The following TRPM6 variants were observed in gnomAD, a reference collection of about 807,000 sequenced individuals.
TRPM6 encodes the protein channel kinase 2.
TRPM6 carries 111 observed loss-of-function variants against 247.6 expected under a neutral mutation model. The observed-to-expected ratio is 0.45, with a 90% CI of 0.38 to 0.52. The LOEUF (loss-of-function observed/expected upper bound fraction) is 0.52. Among genes scored for constraint, TRPM6 ranks in the 20% least tolerant of loss-of-function variants. TRPM6 has a pLI of 0.00. For missense variants in TRPM6, 2,126 were observed against 2,421.5 expected, an observed-to-expected ratio of 0.88 and a Z score of 2.56; for synonymous variants, 892 against 853.8, an observed-to-expected ratio of 1.04 and a Z score of -0.78.
At position 74,821,555 on chromosome 9, in the gene TRPM6, T is replaced by C. The variant is rs143719795; in HGVS notation, c.1010+114A>G. 1.3e-3 allele frequency: 1,643 copies of C among 1,244,608 alleles called. 2 individuals are homozygous for C. The highest frequency in any genetic ancestry group is 2.0e-3 in the Admixed American group (112 of 56,922). 77.1% of individuals were successfully genotyped at this position (1,244,608 alleles called of 1,614,324 possible). On this transcript the variant is annotated intron_variant, in intron 8 of 38. Transcript: ENST00000360774. ...ACAGTCACTGAGAAATGAAATCCAGTCTCAACTTCTATAATCCAAGAATAT... is the reference window on the plus strand; with the variant it reads ...ACAGTCACTGAGAAATGAAATCCAGCCTCAACTTCTATAATCCAAGAATAT...
chr9:74,738,683 A>G, intron 35 of TRPM6, 71 bp from the exon 36 acceptor site: 1 of 1,337,314 alleles, frequency 7.5e-7, no homozygotes, highest in Non-Finnish European at 1.1e-6. Context: ...CTGAGCAGTC[A>G]TCAGCAGGGA....
chr9:74,796,645 G>A (rs1644434396), intron 18 of TRPM6, 96 bp downstream of exon 18: 14 of 1,302,942 alleles, frequency 1.1e-5, no homozygotes, highest in Non-Finnish European at 1.6e-5. Context: ...CATAACTTTT[G>A]TTTAATAGAT....
Position 74,771,325 on chromosome 9 carries a change from T to C in TRPM6, c.3536+378A>G, listed in dbSNP as rs963157462. On this transcript the variant is annotated intron_variant, in intron 25 of 38. Transcript: ENST00000360774. The stretch of plus-strand genomic sequence containing the variant: ...ACTTTATTTTTCTTCATAGCTCTTT[T>C]ACTGCCTGATAATAAATTACAAATC... Among the ~76,000 whole-genome samples the C allele has an allele frequency of 4.6e-5, 7 of 152,376 alleles. No individual in the cohort carries two copies. The East Asian group carries it at 7.7e-4, about 17-fold the overall frequency.
intron 6 of TRPM6, among the ~76,000 whole-genome samples, chr9:74,830,636 G>C (rs1433239530): frequency 6.6e-6 from 1 of 151,918 alleles, no homozygotes; most frequent in Admixed American, 6.6e-5. Flanking sequence ...GAGTGCAGTG[G>C]TGCAATCACA....
rs976145535 is a variant in TRPM6, at chr9:74,784,026, C to A, written c.2920-1173G>T. Among the ~76,000 whole-genome samples, 6 of 152,022 alleles carry A rather than the reference C, an allele frequency of 3.9e-5. No homozygotes were observed. In the South Asian group the frequency reaches 1.2e-3, roughly 32 times the overall value. ...ATCCCAGCACTTTGGGAGGCCGAGG[C>A]GAGCGGATCACTTGAGGTCAAGAGT... On this transcript the variant is annotated intron_variant, in intron 21 of 38. Transcript: ENST00000360774.
At chr9:74,809,987 A>AC (rs894442088) in intron 13 of TRPM6, among the ~76,000 whole-genome samples, 17 of 147,518 alleles carry the variant, frequency 1.2e-4, no homozygotes, top group South Asian at 8.7e-4. Context: ...AAAAAAAAAA[A>AC]AAAAAAAAAA....
intron 16 of TRPM6, 142 bp from the exon 17 acceptor site, chr9:74,800,624 A>AC: frequency 3.1e-6 from 2 of 653,112 alleles, no homozygotes; most frequent in East Asian, 5.5e-5. Context: ...TCCTTTAAAA[A>AC]AAAAAAAAAA....
At chr9:74,793,680 T>A (rs952764176) in intron 18 of TRPM6, among the ~76,000 whole-genome samples, 3 of 152,186 alleles carry the variant, frequency 2.0e-5, no homozygotes, top group Admixed American at 2.0e-4. Context: ...CTGCATTAGT[T>A]TTAGGATTCT....
chr9:74,789,166 C>T (rs772698411), intron 19 of TRPM6, among the ~76,000 whole-genome samples: 1 of 152,152 alleles, frequency 6.6e-6, no homozygotes, highest in Non-Finnish European at 1.5e-5. Context: ...TTTTCAAATA[C>T]AATGAACTGT....
At chr9:74,819,204 G>C (rs1286232000) in intron 9 of TRPM6, among the ~76,000 whole-genome samples, 2 of 151,978 alleles carry the variant, frequency 1.3e-5, no homozygotes, top group Non-Finnish European at 2.9e-5. Context: ...AGCTACTCAG[G>C]AGGCTGAAGC....
In TRPM6 at chr9:74,724,424, C is replaced by T. The variant is rs561411832; in HGVS notation, c.*189G>A. On this transcript the variant is annotated 3_prime_UTR_variant, in exon 39 of 39. Transcript: ENST00000360774. ...GGATGGAGCTGCAAAGTGCCCTGGA[C>T]AGAGGTCAGTGTCTAGGAGAACCCA... 5.7e-4 allele frequency: 426 copies of T among 748,612 alleles called. 2 individuals carry two copies. Among genetic ancestry groups the T allele is most frequent in the South Asian group, 4.7e-3 (273 of 57,842 alleles). 46.4% of individuals were successfully genotyped at this position (748,612 alleles called of 1,614,324 possible).
chr9:74,780,605 G>T (rs926415050), intron 23 of TRPM6, among the ~76,000 whole-genome samples: 7 of 152,088 alleles, frequency 4.6e-5, no homozygotes, highest in African/African-American at 1.7e-4. Flanking sequence ...GCTTTTAAAG[G>T]GTCATTTGGA....
At chr9:74,864,198 G>C (rs564776592) in intron 1 of TRPM6, among the ~76,000 whole-genome samples, 1 of 152,160 alleles carries the variant, frequency 6.6e-6, no homozygotes, top group East Asian at 1.9e-4. Flanking sequence ...CACAACACTA[G>C]AATGGGTCAA....
In TRPM6 at chr9:74,728,234, C is replaced by T; in HGVS notation, c.5935+5G>A. On this transcript the variant is annotated splice_donor_5th_base_variant and intron_variant, in intron 38 of 38. Coordinates refer to ENST00000360774, the MANE Select transcript of TRPM6 (RefSeq NM_017662.5). ...TTAGAGAAAAAAGAACTGTTAGTGG[C>T]ATACCCGGGAGTTTGAGCTTCCGGC... 6.2e-7 allele frequency: 1 copy of T among 1,606,386 alleles called. No homozygotes were observed. The highest frequency in any genetic ancestry group is 1.7e-4 in the Middle Eastern group (1 of 6,036).
chr9:74,828,785 C>T (rs966434809), intron 6 of TRPM6, among the ~76,000 whole-genome samples: 6 of 151,930 alleles, frequency 3.9e-5, no homozygotes, highest in Non-Finnish European at 5.9e-5. Context: ...CACATCTCCA[C>T]GCTTGGCTAA....
chr9:74,854,705 C>T (rs1241708119), intron 3 of TRPM6, among the ~76,000 whole-genome samples: 2 of 152,032 alleles, frequency 1.3e-5, no homozygotes, highest in Admixed American at 6.6e-5. Flanking sequence ...ACTCTGCCAC[C>T]CAGGTGGGAG....
chr9:74,879,526 T>C (rs1377030249), intron 1 of TRPM6, among the ~76,000 whole-genome samples: 1 of 152,180 alleles, frequency 6.6e-6, no homozygotes, highest in Non-Finnish European at 1.5e-5. Context: ...GCCTTTCTTA[T>C]ACCTGGCCCA....
rs147619372 is a variant in TRPM6, at chr9:74,874,093, G to A, written c.33+13731C>T. Among the ~76,000 whole-genome samples, 1,161 of 152,010 alleles carry A rather than the reference G, an allele frequency of 7.6e-3. 20 individuals carry two copies. The highest frequency in any genetic ancestry group is 0.027 in the African/African-American group (1,111 of 41,470). On this transcript the variant is annotated intron_variant, in intron 1 of 38. Coordinates refer to ENST00000360774, the MANE Select transcript of TRPM6 (RefSeq NM_017662.5). ...TCTACTAAAAATACAAAAATTAGCC[G>A]GGCATGGTGGTACATGCCTGTAATT...
At chr9:74,795,561 T>C (rs563050114) in intron 18 of TRPM6, among the ~76,000 whole-genome samples, 25 of 152,310 alleles carry the variant, frequency 1.6e-4, no homozygotes, top group Admixed American at 3.9e-4. Flanking sequence ...CTCACTGATA[T>C]GCTCTTTTCC....
Sources: allele counts gnomAD v4.1 joint callset (sites outside exome capture counted in the v4.1 genomes callset), GRCh38; gene constraint gnomAD v4.1.1; transcripts MANE v1.5; gene names NCBI Gene and HGNC (gene_info 2026-07-23, HGNC 2026-07-21).